The following SPATA33 variants were observed in gnomAD, a reference collection of about 807,000 sequenced individuals.
SPATA33 encodes the protein spermatogenesis associated 33.
A neutral mutation model predicts 8.9 loss-of-function variants in SPATA33; 10 were observed. That is an observed-to-expected ratio of 1.12 (90% confidence interval 0.69 to 1.90). SPATA33 has a LOEUF of 1.90. Among genes scored for constraint, SPATA33 ranks in the 40% most tolerant of loss-of-function variants. The pLI, the probability that SPATA33 is intolerant of heterozygous loss-of-function variation, is 0.00. For synonymous variants in SPATA33, 96 were observed against 72.8 expected (o/e 1.32, Z -1.63); for missense variants, 241 against 178.3 (o/e 1.35, Z -2.00).
chr16:89,664,350 A>ACC, intron 2 of SPATA33, among the ~76,000 whole-genome samples: 1 of 7,670 alleles, frequency 1.3e-4, no homozygotes, highest in South Asian at 0.036. Flanking sequence ...AGGTGGCAGG[A>ACC]CTCAAGACAG....
intron 2 of SPATA33, chr16:89,659,323 C>G (rs1024939743): frequency 6.6e-6 from 1 of 152,182 alleles, no homozygotes; most frequent in African/African-American, 2.4e-5. Flanking sequence ...CAGAGCCTGC[C>G]GTCCGAGGAG....
At chr16:89,668,941 G>T (rs1452165649) in intron 2 of SPATA33, among the ~76,000 whole-genome samples, 1 of 152,318 alleles carries the variant, frequency 6.6e-6, no homozygotes, top group African/African-American at 2.4e-5. Context: ...GAGTGGAAAT[G>T]ATGTCTCTGA....
At chr16:89,660,198 C>G (rs1044722650) in intron 2 of SPATA33, 1 of 243,600 alleles carries the variant, frequency 4.1e-6, no homozygotes, top group African/African-American at 2.2e-5. Context: ...TGTACAGCCC[C>G]CCACACGCAG....
chr16:89,668,307 G>A (rs573540810), intron 2 of SPATA33, among the ~76,000 whole-genome samples: 6 of 152,298 alleles, frequency 3.9e-5, no homozygotes, highest in African/African-American at 9.6e-5. Context: ...GCGAGACTCC[G>A]TCTCAAAAAC....
At chr16:89,660,945 G>T in intron 2 of SPATA33, 1 of 1,016,760 alleles carries the variant, frequency 9.8e-7, no homozygotes, top group Non-Finnish European at 1.2e-6. Flanking sequence ...ACCTCAGGGG[G>T]AGCCAGCATC....
At chr16:89,658,811 T>C in intron 2 of SPATA33, 1 of 245,030 alleles carries the variant, frequency 4.1e-6, no homozygotes. Flanking sequence ...CTCCGAGGGC[T>C]GTGGGGATAA....
At chr16:89,661,439 G>T (rs139998211) in intron 2 of SPATA33, 1 of 156,588 alleles carries the variant, frequency 6.4e-6, no homozygotes, top group African/African-American at 2.4e-5. Flanking sequence ...CCTACCTTCC[G>T]CCGTGATTGT....
chr16:89,669,763 C>A lies in SPATA33; in HGVS notation c.*266C>A, dbSNP rs2060076075. 3 of 451,596 alleles carry A rather than the reference C, an allele frequency of 6.6e-6. No individual in the cohort carries two copies. The highest frequency in any genetic ancestry group is 1.2e-5 in the Non-Finnish European group (3 of 251,406). The allele number at this position is 451,596 out of a possible 1,614,324, so 28.0% of individuals were successfully genotyped here. On this transcript the variant is annotated 3_prime_UTR_variant, in exon 3 of 3. Transcript: ENST00000579310. ...CCAGGCCTGCCCCCGCCGTGAGAAA[C>A]TGCAGTCCCCTTCTCCAGTGCTCTC...
At chr16:89,659,692 A>G (rs1372501485) in intron 2 of SPATA33, 2 of 152,144 alleles carry the variant, frequency 1.3e-5, no homozygotes, top group Non-Finnish European at 2.9e-5. Flanking sequence ...TCTCAGAAAA[A>G]AAAAAAAATA....
chr16:89,658,079 C>T, intron 1 of SPATA33, 131 bp downstream of exon 1: 1 of 1,476,296 alleles, frequency 6.8e-7, no homozygotes, highest in Non-Finnish European at 8.9e-7. Context: ...TTCCTGCCGC[C>T]GAGTCCGCCA....
rs1055243615 is a variant in SPATA33, at chr16:89,658,279, A to G, written c.69A>G (p.Ser23=). The change falls in exon 2 of 3, where the codon TCA becomes TCG. Residue 23 remains serine, a synonymous_variant. Coordinates refer to ENST00000579310, the MANE Select transcript of SPATA33 (RefSeq NM_001271907.2). ...AGCAAAAGAAGGGATCCACCTATTCAGTTCCAAAATCTAAGGAGAAGTTGA... is the reference window on the plus strand; with the variant it reads ...AGCAAAAGAAGGGATCCACCTATTCGGTTCCAAAATCTAAGGAGAAGTTGA... ...GEEQKKGSTY[S]VPKSKEKLME... is the part of the protein sequence containing the mutation. The G allele has an allele frequency of 1.1e-5, 18 of 1,614,094 alleles. No individual in the cohort carries two copies. The Admixed American group carries it at 2.2e-4, about 19-fold the overall frequency.
intron 2 of SPATA33, among the ~76,000 whole-genome samples, chr16:89,666,343 A>G (rs1014833886): frequency 4.6e-5 from 7 of 152,132 alleles, no homozygotes; most frequent in African/African-American, 1.7e-4. Flanking sequence ...TTCCTGGGCT[A>G]CAGAGTGAGA....
intron 2 of SPATA33, among the ~76,000 whole-genome samples, chr16:89,662,349 C>T (rs1041915409): frequency 2.0e-5 from 3 of 150,642 alleles, no homozygotes; most frequent in Non-Finnish European, 3.0e-5. Flanking sequence ...TAACAAAATA[C>T]TGATTGAAGC....
Position 89,670,187 on chromosome 16 carries a change from T to G in SPATA33, c.*690T>G, listed in dbSNP as rs651932. 1.2e-4 allele frequency: 15 copies of G among 121,932 alleles called. No individual in the cohort carries two copies. Among genetic ancestry groups the G allele is most frequent in the Middle Eastern group, 6.8e-3 (1 of 148 alleles). 7.6% of individuals were successfully genotyped at this position (121,932 alleles called of 1,614,324 possible). A position where few individuals can be genotyped will look rare whatever the true frequency, so the allele number is the denominator to read the frequency against. ...AGGGTGCACCAGGCCTGCCCCCGCC[T>G]TGAGAAACTGCAGCCCCCTTCTCCA... On this transcript the variant is annotated 3_prime_UTR_variant, in exon 3 of 3. Coordinates refer to ENST00000579310, the MANE Select transcript of SPATA33 (RefSeq NM_001271907.2).
At chr16:89,664,568 G>T (rs1469457991) in intron 2 of SPATA33, among the ~76,000 whole-genome samples, 1 of 150,740 alleles carries the variant, frequency 6.6e-6, no homozygotes, top group Non-Finnish European at 1.5e-5. Flanking sequence ...TTTAGGGCCC[G>T]ACCTGATCAG....
chr16:89,668,780 C>G (rs1049238802), intron 2 of SPATA33, among the ~76,000 whole-genome samples: 3 of 152,256 alleles, frequency 2.0e-5, no homozygotes, highest in African/African-American at 7.2e-5. Context: ...TGGCAACGCT[C>G]GGCAGGCTCA....
intron 2 of SPATA33, among the ~76,000 whole-genome samples, chr16:89,668,228 C>G (rs1299429094): frequency 6.6e-6 from 1 of 152,200 alleles, no homozygotes; most frequent in African/African-American, 2.4e-5. Context: ...AGGAGAATCA[C>G]TTGAACTCAG....
intron 2 of SPATA33, among the ~76,000 whole-genome samples, chr16:89,662,655 G>C (rs1346892791): frequency 1.1e-4 from 16 of 152,166 alleles, no homozygotes; most frequent in Non-Finnish European, 2.9e-5. Flanking sequence ...TCAAACTCCT[G>C]GCTTCAGCTG....
Position 89,662,380 on chromosome 16 carries a change from G to C in SPATA33, c.211+3959G>C, listed in dbSNP as rs78110338. ...GAAGCTGAGTGCTCTATAGGTGCAG[G>C]TGCTCATTCACTATTCTATTTTCTT... On this transcript the variant is annotated intron_variant, in intron 2 of 2. Coordinates refer to ENST00000579310, the MANE Select transcript of SPATA33 (RefSeq NM_001271907.2). Among the ~76,000 whole-genome samples, 756 of 151,574 alleles carry C rather than the reference G, an allele frequency of 5.0e-3. 6 individuals are homozygous for C. Among genetic ancestry groups the C allele is most frequent in the African/African-American group, 0.018 (726 of 41,372 alleles).
Sources: gnomAD v4.1 joint callset for allele counts (sites outside exome capture counted in the v4.1 genomes callset) on GRCh38, gnomAD v4.1.1 for gene constraint, MANE v1.5 for transcripts, NCBI Gene and HGNC (gene_info 2026-07-23, HGNC 2026-07-21) for gene names.